Variants in LRRC7 observed in about 807,000 individuals in gnomAD.
The protein encoded by LRRC7 is leucine rich repeat containing 7, also known as leucine-rich repeat-containing protein 7.
Under a neutral mutation model 175.7 loss-of-function variants are expected in LRRC7, and 23 were observed. The observed-to-expected ratio is 0.13, with a 90% CI of 0.09 to 0.19. LRRC7 has a LOEUF of 0.19. LRRC7 is among the 10% of genes least tolerant of loss of function. The probability of loss-of-function intolerance (pLI) is 1.00; values close to 1 mark genes in which losing one functional copy is unlikely to be tolerated. For synonymous variants in LRRC7, 685 were observed against 680.9 expected (o/e 1.01, Z -0.09); for missense variants, 1,354 against 1,904.7 (o/e 0.71, Z 5.38).
intron 26 of LRRC7, among the ~76,000 whole-genome samples, chr1:70,118,503 G>A (rs768806827): frequency 7.9e-5 from 12 of 152,124 alleles, no homozygotes; most frequent in Non-Finnish European, 1.6e-4. Context: ...TATCTTTGGA[G>A]GTGATACAGC....
intron 14 of LRRC7, among the ~76,000 whole-genome samples, chr1:70,017,946 C>T (rs1489576903): frequency 6.6e-6 from 1 of 152,054 alleles, no homozygotes; most frequent in Non-Finnish European, 1.5e-5. Context: ...GCAGTGACTG[C>T]ATCATTTAAC....
intron 1 of LRRC7, among the ~76,000 whole-genome samples, chr1:69,608,812 GTCTCTCTCTCTCTCTCTC>G (rs558298354): frequency 0.012 from 1,092 of 91,398 alleles, 1 homozygote; most frequent in South Asian, 0.023. Flanking sequence ...TGCTCTGTCT[GTCTCTCTCTCTCTCTCTC>G]TCTCTCTCTC....
intron 7 of LRRC7, among the ~76,000 whole-genome samples, chr1:69,840,589 A>G (rs182601857): frequency 1.3e-5 from 2 of 152,178 alleles, no homozygotes; most frequent in African/African-American, 4.8e-5. Flanking sequence ...GAAGATGTAC[A>G]TCCTTTAAGC....
chr1:69,666,103 T>G (rs1658228139), intron 1 of LRRC7, among the ~76,000 whole-genome samples: 1 of 152,140 alleles, frequency 6.6e-6, no homozygotes, highest in South Asian at 2.1e-4. Flanking sequence ...TGTCCTTTAT[T>G]GCATTGATAG....
chr1:69,850,428 T>A (rs1682847089), intron 7 of LRRC7, among the ~76,000 whole-genome samples: 1 of 152,014 alleles, frequency 6.6e-6, no homozygotes. Context: ...AAAGGAAACA[T>A]GTGATTTGAT....
chr1:69,812,284 C>T (rs1311365213), intron 4 of LRRC7, among the ~76,000 whole-genome samples: 1 of 152,106 alleles, frequency 6.6e-6, no homozygotes, highest in Non-Finnish European at 1.5e-5. Flanking sequence ...TTGATGGAAG[C>T]AGTTTAACAC....
At chr1:69,622,069 C>T (rs750843829) in intron 1 of LRRC7, among the ~76,000 whole-genome samples, 19 of 152,156 alleles carry the variant, frequency 1.2e-4, no homozygotes, top group Non-Finnish European at 2.2e-4. Flanking sequence ...GTAACTTCCT[C>T]GAACAAAGAA....
intron 4 of LRRC7, among the ~76,000 whole-genome samples, chr1:69,815,865 T>C (rs931872673): frequency 3.9e-5 from 6 of 152,182 alleles, no homozygotes; most frequent in Non-Finnish European, 7.3e-5. Flanking sequence ...ATAGTGTTCT[T>C]ATTAAAAAGA....
At chr1:69,717,845 GAAA>G (rs1557641459) in intron 2 of LRRC7, among the ~76,000 whole-genome samples, 608 of 24,690 alleles carry the variant, frequency 0.025, 16 homozygotes, top group East Asian at 0.046. Flanking sequence ...AAAGAAAAAA[GAAA>G]GAAAGGAAAG....
chr1:69,872,440 C>T (rs1685647183), intron 7 of LRRC7, among the ~76,000 whole-genome samples: 1 of 151,930 alleles, frequency 6.6e-6, no homozygotes, highest in Non-Finnish European at 1.5e-5. Context: ...ATAATGGAGT[C>T]AGGTGCACAA....
At chr1:69,585,016 C>A (rs967336159) in intron 1 of LRRC7, among the ~76,000 whole-genome samples, 3 of 152,090 alleles carry the variant, frequency 2.0e-5, no homozygotes, top group African/African-American at 7.2e-5. Flanking sequence ...GTACATATAG[C>A]AAAATGTTAT....
At chr1:69,830,470 C>T (rs1051935163) in intron 5 of LRRC7, among the ~76,000 whole-genome samples, 1 of 151,684 alleles carries the variant, frequency 6.6e-6, no homozygotes, top group African/African-American at 2.4e-5. Context: ...CAAATAACAT[C>T]GAATCCATTT....
intron 2 of LRRC7, among the ~76,000 whole-genome samples, chr1:69,707,951 A>G (rs1263055834): frequency 6.6e-6 from 1 of 152,178 alleles, no homozygotes; most frequent in Non-Finnish European, 1.5e-5. Flanking sequence ...GGGTGGTATA[A>G]GAGAGTACTC....
chr1:69,788,228 A>C (rs74913242), intron 3 of LRRC7, among the ~76,000 whole-genome samples: 1,587 of 152,302 alleles, frequency 0.01, 33 homozygotes, highest in African/African-American at 0.036. Flanking sequence ...ACTCCACCAG[A>C]ACAAAAGCTA....
chr1:70,032,822 G>A (rs1658901985), intron 18 of LRRC7, among the ~76,000 whole-genome samples: 1 of 152,114 alleles, frequency 6.6e-6, no homozygotes, highest in Admixed American at 6.6e-5. Context: ...GATGCAGTTT[G>A]AACAGTGGAA....
intron 7 of LRRC7, among the ~76,000 whole-genome samples, chr1:69,896,488 G>A (rs1037095791): frequency 3.3e-5 from 5 of 152,054 alleles, no homozygotes; most frequent in African/African-American, 4.8e-5. Context: ...TGAAAATTCA[G>A]TGAGCATATT....
At chr1:69,873,977 A>G (rs1051040664) in intron 7 of LRRC7, 1 of 152,156 alleles carries the variant, frequency 6.6e-6, no homozygotes, top group Non-Finnish European at 1.5e-5. Context: ...TAATTTCTCT[A>G]GTTTGTTAAA....
intron 7 of LRRC7, among the ~76,000 whole-genome samples, chr1:69,870,385 T>C (rs1685403069): frequency 6.6e-6 from 1 of 152,156 alleles, no homozygotes; most frequent in Admixed American, 6.6e-5. Flanking sequence ...AACCAGGTCC[T>C]TCATAGAAGA....
At chr1:69,748,772 C>G (rs1669519389) in intron 2 of LRRC7, among the ~76,000 whole-genome samples, 1 of 152,090 alleles carries the variant, frequency 6.6e-6, no homozygotes, top group South Asian at 2.1e-4. Context: ...GAGGGTCCTT[C>G]CAAACTTGAG....
Sources: gnomAD v4.1 joint callset for allele counts (sites outside exome capture counted in the v4.1 genomes callset) on GRCh38, gnomAD v4.1.1 for gene constraint, MANE v1.5 for transcripts, NCBI Gene and HGNC (gene_info 2026-07-23, HGNC 2026-07-21) for gene names.